CFAP276: variants seen among roughly 807,000 people sequenced by gnomAD.
The protein encoded by CFAP276 is cilia- and flagella-associated protein 276.
At chr1:109,107,586 A>C in the CFAP276 span, among the ~76,000 whole-genome samples, 1 of 152,130 alleles carries the variant, frequency 6.6e-6, no homozygotes, top group Non-Finnish European at 1.5e-5. Flanking sequence ...GGACAGACTA[A>C]ATTTCAAAAA....
the CFAP276 span, chr1:109,112,474 A>G: frequency 7.4e-7 from 1 of 1,360,338 alleles, no homozygotes; most frequent in Non-Finnish European, 9.7e-7. Flanking sequence ...CAGAAAACAG[A>G]CTTCCCTGGT....
chr1:109,106,476 G>A, the CFAP276 span: 1 of 1,576,782 alleles, frequency 6.3e-7, no homozygotes, highest in Non-Finnish European at 8.6e-7. Flanking sequence ...TGATTCATGG[G>A]TCCATTTAGA....
At chr1:109,112,883 T>G in the CFAP276 span, 1 of 736,600 alleles carries the variant, frequency 1.4e-6, no homozygotes, top group African/African-American at 1.8e-5. Context: ...GGGAGGAAGC[T>G]CCGGGGACTG....
the CFAP276 span, among the ~76,000 whole-genome samples, chr1:109,113,469 G>GAGAGAGAGAGAGAGAGAGA: frequency 2.7e-5 from 2 of 74,936 alleles, no homozygotes; most frequent in African/African-American, 1.5e-4. Flanking sequence ...AGAGAGAGAG[G>GAGAGAGAGAGAGAGAGAGA]CCCACGTGCG....
At chr1:109,106,685 G>C in the CFAP276 span, 1 of 1,609,224 alleles carries the variant, frequency 6.2e-7, no homozygotes. Context: ...GGGAAGAAAA[G>C]TGGAGAGTGA....
chr1:109,113,744 C>A, the CFAP276 span: 1 of 1,571,426 alleles, frequency 6.4e-7, no homozygotes, highest in Non-Finnish European at 8.8e-7. Context: ...ACCCCTGGCC[C>A]GAAAGGGCAG....
chr1:109,113,412 G>GAC, the CFAP276 span, among the ~76,000 whole-genome samples: 4 of 104,144 alleles, frequency 3.8e-5, no homozygotes, highest in South Asian at 3.3e-4. Context: ...GAGAGAGAGA[G>GAC]AGAAAGAGAG....
the CFAP276 span, among the ~76,000 whole-genome samples, chr1:109,110,814 C>T: frequency 6.6e-6 from 1 of 152,166 alleles, no homozygotes. Context: ...AAAACATCTA[C>T]ATAGTTGATG....
At chr1:109,112,714 G>C in the CFAP276 span, 2 of 1,547,282 alleles carry the variant, frequency 1.3e-6, no homozygotes, top group Non-Finnish European at 1.7e-6. Context: ...AGGGATGGGA[G>C]GCCCGCTCAG....
the CFAP276 span, chr1:109,107,923 C>T: frequency 5.0e-6 from 8 of 1,603,588 alleles, 1 homozygote; most frequent in Admixed American, 6.7e-5. Context: ...CTAGGTACCT[C>T]GGGATCAAAA....
the CFAP276 span, chr1:109,112,829 T>G: frequency 1.6e-5 from 21 of 1,308,518 alleles, no homozygotes; most frequent in Non-Finnish European, 2.0e-5. Flanking sequence ...AGGAATTCCC[T>G]CAGAGGAGGG....
the CFAP276 span, among the ~76,000 whole-genome samples, chr1:109,111,488 T>A: frequency 4.3e-5 from 5 of 115,640 alleles, no homozygotes; most frequent in African/African-American, 1.3e-4. Context: ...AAAAAAAATA[T>A]CCCACAATGA....
chr1:109,106,606 G>A, the CFAP276 span: 1 of 1,614,020 alleles, frequency 6.2e-7, no homozygotes, highest in East Asian at 2.2e-5. Context: ...AGCCAGGAAA[G>A]TGATGGGTGG....
At chr1:109,112,907 C>G in the CFAP276 span, among the ~76,000 whole-genome samples, 15 of 132,418 alleles carry the variant, frequency 1.1e-4, no homozygotes, top group African/African-American at 4.6e-4. Flanking sequence ...AGGGAACGTT[C>G]CGCTGAGCGG....
chr1:109,113,430 G>GTC, the CFAP276 span, among the ~76,000 whole-genome samples: 2 of 113,408 alleles, frequency 1.8e-5, no homozygotes, highest in African/African-American at 3.1e-5. Context: ...GAGAGAGAGA[G>GTC]AGAGAGAGAG....
At chr1:109,110,842 C>T in the CFAP276 span, among the ~76,000 whole-genome samples, 16 of 152,146 alleles carry the variant, frequency 1.1e-4, no homozygotes, top group African/African-American at 3.9e-4. Flanking sequence ...ACATCTTTCT[C>T]CCCAAACCTG....
At chr1:109,107,200 C>T in the CFAP276 span, 2 of 1,105,240 alleles carry the variant, frequency 1.8e-6, no homozygotes, top group East Asian at 2.4e-5. Context: ...GTGCTCTACT[C>T]TTCCCCAAAA....
the CFAP276 span, among the ~76,000 whole-genome samples, chr1:109,113,416 A>AGAGAGAGAGGAGAG: frequency 4.4e-5 from 3 of 68,040 alleles, no homozygotes; most frequent in Non-Finnish European, 5.2e-5. Flanking sequence ...GAGAGAGAGA[A>AGAGAGAGAGGAGAG]AGAGAGAGAG....
the CFAP276 span, chr1:109,112,607 C>T: frequency 1.3e-6 from 2 of 1,550,592 alleles, no homozygotes; most frequent in Non-Finnish European, 1.7e-6. Context: ...ACCTTGGAAG[C>T]CCGCAGTTCT....
Sources: gnomAD v4.1 joint callset for allele counts (sites outside exome capture counted in the v4.1 genomes callset) on GRCh38, gnomAD v4.1.1 for gene constraint, MANE v1.5 for transcripts, NCBI Gene and HGNC (gene_info 2026-07-23, HGNC 2026-07-21) for gene names.